Variants in GALNT2 observed in about 807,000 individuals in gnomAD.
GALNT2 encodes the protein UDP-GalNAc:polypeptide N-acetylgalactosaminyltransferase 2.
Under a neutral mutation model 81.4 loss-of-function variants are expected in GALNT2, and 31 were observed. That is an observed-to-expected ratio of 0.38 (90% confidence interval 0.29 to 0.51). The LOEUF is 0.51. GALNT2 is among the 20% of genes least tolerant of loss of function. The pLI is 0.87. For synonymous variants in GALNT2, 303 were observed against 287.4 expected (o/e 1.05, Z -0.55); for missense variants, 629 against 765.7 (o/e 0.82, Z 2.11).
intron 1 of GALNT2, among the ~76,000 whole-genome samples, chr1:230,108,748 G>A (rs1336889253): frequency 3.3e-5 from 5 of 152,208 alleles, no homozygotes; most frequent in African/African-American, 7.2e-5. Flanking sequence ...TGACAGCACC[G>A]CACACTGTAG....
rs1658993624 is a variant in GALNT2 at position 230,059,514 on chromosome 1, A to G, written n.89+1436A>G. Among the ~76,000 whole-genome samples, 4 of 152,242 alleles carry G rather than the reference A, an allele frequency of 2.6e-5. No homozygotes were observed. In the South Asian group the frequency reaches 8.3e-4, roughly 31 times the overall value. On this transcript the variant is annotated intron_variant and non_coding_transcript_variant, in intron 1 of 6. Transcript: ENST00000494106. ...AAGTAAATGAAGGTAGAAGAAAGAC[A>G]AGGAGCGGGTGTTTATATGCCAGCC...
intron 1 of GALNT2, among the ~76,000 whole-genome samples, chr1:230,103,628 G>A (rs926058423): frequency 1.3e-5 from 2 of 152,074 alleles, no homozygotes; most frequent in Non-Finnish European, 2.9e-5. Context: ...AGAGATTCTT[G>A]CAGGATTTTG....
At chr1:230,265,671 C>T (rs1363340162) in intron 14 of GALNT2, among the ~76,000 whole-genome samples, 1 of 152,218 alleles carries the variant, frequency 6.6e-6, no homozygotes, top group Non-Finnish European at 1.5e-5. Context: ...TCTGTCCTCT[C>T]GGCCATGTGC....
chr1:230,224,645 C>G (rs756909338), intron 3 of GALNT2, among the ~76,000 whole-genome samples: 4 of 152,198 alleles, frequency 2.6e-5, no homozygotes, highest in Non-Finnish European at 5.9e-5. Context: ...AGAATACTCA[C>G]GTATTCTGGG....
Position 230,193,510 on chromosome 1 carries a change from C to A in GALNT2, c.221-9627C>A, listed in dbSNP as rs534962880. On this transcript the variant is annotated intron_variant, in intron 2 of 15. Transcript: ENST00000366672. The surrounding 1 kb of genome is among the most constrained non-coding windows in gnomAD (Gnocchi z 4.3). Reference sequence around the variant, plus strand: ...GCCTCTCTGTGCTGGGGTGTGCGTGCGCCTCTGTGTGCTGGGGTCTTCATG... The same window carrying A: ...GCCTCTCTGTGCTGGGGTGTGCGTGAGCCTCTGTGTGCTGGGGTCTTCATG... Among the ~76,000 whole-genome samples the A allele has an allele frequency of 6.6e-6, 1 of 151,616 alleles. No individual in the cohort carries two copies. The highest frequency in any genetic ancestry group is 1.5e-5 in the Non-Finnish European group (1 of 67,902).
At chr1:230,165,901 AT>A (rs1185875127) in intron 1 of GALNT2, among the ~76,000 whole-genome samples, 2 of 152,348 alleles carry the variant, frequency 1.3e-5, no homozygotes, top group African/African-American at 4.8e-5. Context: ...CATGATGTGA[AT>A]GTGCTCCACT....
chr1:230,187,314 G>T (rs752469656), intron 2 of GALNT2, among the ~76,000 whole-genome samples: 3 of 152,340 alleles, frequency 2.0e-5, no homozygotes, highest in African/African-American at 7.2e-5. Context: ...GCATATTGCC[G>T]TACAGATTTA....
intron 3 of GALNT2, among the ~76,000 whole-genome samples, chr1:230,212,869 G>A (rs1316122753): frequency 6.6e-6 from 1 of 151,832 alleles, no homozygotes; most frequent in Admixed American, 6.6e-5. Flanking sequence ...TCTATTTCAG[G>A]CCTTCTCTCT....
At chr1:230,161,949 T>G (rs1422616996) in intron 1 of GALNT2, among the ~76,000 whole-genome samples, 1 of 152,220 alleles carries the variant, frequency 6.6e-6, no homozygotes, top group African/African-American at 2.4e-5. Flanking sequence ...TCTATTTAGA[T>G]CTTTTGTTTT....
At chr1:230,121,948 CT>C (rs11430880) in intron 1 of GALNT2, among the ~76,000 whole-genome samples, 38,556 of 103,048 alleles carry the variant, frequency 0.37, 4,428 homozygotes, top group Middle Eastern at 0.43. Context: ...TACTGTTATG[CT>C]TTTTTTTTTT....
In GALNT2 at chr1:230,131,171, G is replaced by A. The variant is rs569973565; in HGVS notation, c.127-47047G>A. Among the ~76,000 whole-genome samples, 8 of 151,994 alleles carry A rather than the reference G, an allele frequency of 5.3e-5. No homozygotes were observed. In the East Asian group the frequency reaches 7.7e-4, roughly 15 times the overall value. On this transcript the variant is annotated intron_variant, in intron 1 of 15. Transcript: ENST00000366672. ...ATACCTTAACATATGTCCCTGAGTCGTTTTTTAGAAACCTGGACCCCCACC... is the reference window on the plus strand; with the variant it reads ...ATACCTTAACATATGTCCCTGAGTCATTTTTTAGAAACCTGGACCCCCACC...
At chr1:230,176,879 G>C (rs1662996157) in intron 1 of GALNT2, among the ~76,000 whole-genome samples, 1 of 152,212 alleles carries the variant, frequency 6.6e-6, no homozygotes, top group East Asian at 1.9e-4. Context: ...AGGCCAGGAA[G>C]GTGTTCTGCT....
chr1:230,278,740 T>C (rs151160632), intron 15 of GALNT2, among the ~76,000 whole-genome samples: 2 of 152,314 alleles, frequency 1.3e-5, no homozygotes, highest in East Asian at 3.9e-4. Context: ...GGCTTCTCAA[T>C]GCTATGTTCT....
At chr1:230,218,804 A>G (rs1572099536) in intron 3 of GALNT2, among the ~76,000 whole-genome samples, 1 of 152,180 alleles carries the variant, frequency 6.6e-6, no homozygotes, top group Non-Finnish European at 1.5e-5. Flanking sequence ...GGAGTCCCCA[A>G]CCCCTAAGCC....
chr1:230,197,426 G>T (rs551220547), intron 2 of GALNT2, among the ~76,000 whole-genome samples: 1 of 151,994 alleles, frequency 6.6e-6, no homozygotes, highest in Non-Finnish European at 1.5e-5. Flanking sequence ...CTTCCTGCTC[G>T]CCCCCCCGGG....
chr1:230,104,599 C>G (rs535271522), intron 1 of GALNT2, among the ~76,000 whole-genome samples: 2 of 152,332 alleles, frequency 1.3e-5, no homozygotes, highest in East Asian at 1.9e-4. Flanking sequence ...CACCCTGGCT[C>G]TCCTTTCTTA....
At chr1:230,251,579 T>TA (rs1665546472) in intron 10 of GALNT2, among the ~76,000 whole-genome samples, 1 of 152,096 alleles carries the variant, frequency 6.6e-6, no homozygotes, top group African/African-American at 2.4e-5. Context: ...TGGGTTGTTT[T>TA]AAAAAAATGA....
intron 6 of GALNT2, among the ~76,000 whole-genome samples, chr1:230,237,427 G>A (rs928006997): frequency 1.3e-5 from 2 of 152,206 alleles, no homozygotes; most frequent in Non-Finnish European, 1.5e-5. Flanking sequence ...AAATCACAGA[G>A]CTTTGGAACC....
chr1:230,174,673 C>T (rs1042573513), intron 1 of GALNT2, among the ~76,000 whole-genome samples: 16 of 152,162 alleles, frequency 1.1e-4, no homozygotes, highest in African/African-American at 2.9e-4. Context: ...CCTCCGGGAC[C>T]TGGACTGGGT....
Sources: allele counts gnomAD v4.1 joint callset (sites outside exome capture counted in the v4.1 genomes callset), GRCh38; gene constraint gnomAD v4.1.1; non-coding constraint Gnocchi (gnomAD v3.1); transcripts MANE v1.5; gene names NCBI Gene and HGNC (gene_info 2026-07-23, HGNC 2026-07-21).